SNX25: variants seen among roughly 807,000 people sequenced by gnomAD.
SNX25 encodes the protein sorting nexin 25, also known as sorting nexin-25.
SNX25 carries 62 observed loss-of-function variants against 113.7 expected under a neutral mutation model. The observed-to-expected ratio is 0.55, with a 90% CI of 0.44 to 0.67. SNX25 has a LOEUF of 0.67. Ranked by LOEUF, SNX25 falls within the 30% of genes least tolerant of loss-of-function variation. SNX25 has a pLI of 0.00. For synonymous variants in SNX25, 421 were observed against 436.2 expected, an observed-to-expected ratio of 0.97 and a Z score of 0.43; for missense variants, 1,014 against 1,161.0, an observed-to-expected ratio of 0.87 and a Z score of 1.84.
chr4:185,250,998 T>C (rs1349799687), intron 2 of SNX25, among the ~76,000 whole-genome samples: 2 of 150,350 alleles, frequency 1.3e-5, no homozygotes, highest in Non-Finnish European at 3.0e-5. Context: ...TGTTTTGTTG[T>C]GTGTGTGTGT....
chr4:185,369,849 T>A, exon 12 of SNX25: 1 of 409,030 alleles, frequency 2.4e-6, no homozygotes, highest in South Asian at 1.9e-5. Flanking sequence ...CTCGGGTGAT[T>A]TTAACATGCA....
the SNX25 span, chr4:185,376,790 G>A: frequency 3.0e-6 from 2 of 668,354 alleles, no homozygotes; most frequent in Non-Finnish European, 5.2e-6. Flanking sequence ...AGCCATAGTC[G>A]ATGTAATTGG....
downstream of SNX25, chr4:185,365,802 G>A (rs968073956): frequency 1.3e-5 from 2 of 152,030 alleles, no homozygotes; most frequent in African/African-American, 2.4e-5. Flanking sequence ...TTACATGGGT[G>A]GTATTAAGAG....
At chr4:185,321,613 C>T (rs1313849932) in intron 8 of SNX25, among the ~76,000 whole-genome samples, 2 of 152,124 alleles carry the variant, frequency 1.3e-5, no homozygotes, top group Admixed American at 6.5e-5. Context: ...TTTTGGGGTA[C>T]ACATACATCT....
At chr4:185,371,508 C>T (rs530583725), downstream of SNX25, among the ~76,000 whole-genome samples, 1 of 138,904 alleles carries the variant, frequency 7.2e-6, no homozygotes, top group African/African-American at 2.7e-5. Context: ...CACCACTGCA[C>T]TCCAGCCTGG....
chr4:185,236,575 G>A (rs1742682569), intron 1 of SNX25, among the ~76,000 whole-genome samples: 1 of 152,036 alleles, frequency 6.6e-6, no homozygotes, highest in South Asian at 2.1e-4. Flanking sequence ...TATAGAATAA[G>A]AGAATAAATT....
At chr4:185,320,487 A>T (rs1281318145) in intron 7 of SNX25, among the ~76,000 whole-genome samples, 5 of 152,142 alleles carry the variant, frequency 3.3e-5, no homozygotes, top group East Asian at 1.9e-4. Flanking sequence ...GGGTGGGGGC[A>T]AGGGGAGAGA....
chr4:185,266,337 G>A (rs1748073601), intron 4 of SNX25, among the ~76,000 whole-genome samples: 1 of 152,062 alleles, frequency 6.6e-6, no homozygotes, highest in Non-Finnish European at 1.5e-5. Context: ...AAAAAAATCA[G>A]TGTTTTTTTG....
At chr4:185,226,116 T>G (rs1016439684) in intron 1 of SNX25, among the ~76,000 whole-genome samples, 2 of 152,154 alleles carry the variant, frequency 1.3e-5, no homozygotes, top group African/African-American at 2.4e-5. Context: ...GCAGACTCTC[T>G]CTCAATACAG....
intron 9 of SNX25, among the ~76,000 whole-genome samples, chr4:185,328,006 G>A (rs1238364420): frequency 6.6e-6 from 1 of 152,092 alleles, no homozygotes; most frequent in Non-Finnish European, 1.5e-5. Flanking sequence ...TTTTAGTCTC[G>A]TGAACTGAAA....
chr4:185,310,401 T>A (rs911909737), intron 6 of SNX25, among the ~76,000 whole-genome samples: 3 of 150,940 alleles, frequency 2.0e-5, no homozygotes, highest in African/African-American at 7.3e-5. Context: ...TTTAAAAAAA[T>A]GTTTTACCTT....
chr4:185,252,204 A>G (rs1040819329), intron 2 of SNX25, among the ~76,000 whole-genome samples: 1 of 152,136 alleles, frequency 6.6e-6, no homozygotes, highest in Admixed American at 6.5e-5. Flanking sequence ...GAAAAATTTG[A>G]CCAGTTAATT....
At chr4:185,370,513 C>T, downstream of SNX25, 1 of 904,718 alleles carries the variant, frequency 1.1e-6, no homozygotes, top group Non-Finnish European at 1.7e-6. Context: ...GACAGCTTCT[C>T]TGTAGACAGA....
At chr4:185,294,726 G>A (rs188741942) in intron 6 of SNX25, among the ~76,000 whole-genome samples, 33 of 152,226 alleles carry the variant, frequency 2.2e-4, no homozygotes, top group Middle Eastern at 3.4e-3. Flanking sequence ...AGTGACTTCC[G>A]CTAACTCATT....
intron 1 of SNX25, among the ~76,000 whole-genome samples, chr4:185,214,888 C>G (rs1022031925): frequency 6.6e-6 from 1 of 152,162 alleles, no homozygotes; most frequent in Non-Finnish European, 1.5e-5. Context: ...AAATTTCAAG[C>G]ACAGTTTCCT....
chr4:185,369,228 T>A (rs2095405848), intron 11 of SNX25, among the ~76,000 whole-genome samples: 1 of 59,184 alleles, frequency 1.7e-5, no homozygotes, highest in African/African-American at 1.2e-4. Context: ...TACAGAGAGC[T>A]TTTTTTTTTT....
chr4:185,271,427 G>A (rs922857541), intron 5 of SNX25, among the ~76,000 whole-genome samples: 3 of 152,128 alleles, frequency 2.0e-5, no homozygotes, highest in Non-Finnish European at 4.4e-5. Context: ...ACAGGCACAC[G>A]CCAGCACGCC....
chr4:185,271,359 A>C (rs906455507), intron 5 of SNX25, among the ~76,000 whole-genome samples: 1 of 151,986 alleles, frequency 6.6e-6, no homozygotes, highest in Admixed American at 6.6e-5. Flanking sequence ...GCTCACTGCA[A>C]CCTCTGCCTC....
chr4:185,299,301 T>G (rs768304999), intron 6 of SNX25, among the ~76,000 whole-genome samples: 6 of 152,122 alleles, frequency 3.9e-5, no homozygotes, highest in Non-Finnish European at 7.4e-5. Flanking sequence ...GTGCTTGATA[T>G]GCAGTGGAGA....
Sources: gnomAD v4.1 joint callset for allele counts (sites outside exome capture counted in the v4.1 genomes callset) on GRCh38, gnomAD v4.1.1 for gene constraint, MANE v1.5 for transcripts, NCBI Gene and HGNC (gene_info 2026-07-23, HGNC 2026-07-21) for gene names.